The following ZNF653 variants were observed in gnomAD, a reference collection of about 807,000 sequenced individuals.
The protein encoded by ZNF653 is 67 kDa zinc finger protein.
A neutral mutation model predicts 59.9 loss-of-function variants in ZNF653; 37 were observed. The ratio of observed to expected loss-of-function variants is 0.62; its 90% CI spans 0.48 to 0.81. The LOEUF (loss-of-function observed/expected upper bound fraction) is 0.81, where lower values mean the gene tolerates loss of function less well. ZNF653 is among the 40% of genes least tolerant of loss of function. The pLI is 0.00. For synonymous variants in ZNF653, 435 were observed against 371.8 expected, an observed-to-expected ratio of 1.17 and a Z score of -1.96; for missense variants, 808 against 881.1, an observed-to-expected ratio of 0.92 and a Z score of 1.05.
At chr19:11,494,371 ACATAACATAAAACAT>A (rs1161060741) in intron 3 of ZNF653, among the ~76,000 whole-genome samples, 102 of 148,728 alleles carry the variant, frequency 6.9e-4, no homozygotes, top group African/African-American at 2.2e-3. Flanking sequence ...ACATAACATA[ACATAACATAAAACAT>A]AACATAACAT....
chr19:11,491,840 G>T (rs986103444), intron 3 of ZNF653, among the ~76,000 whole-genome samples: 1 of 152,072 alleles, frequency 6.6e-6, no homozygotes, highest in Non-Finnish European at 1.5e-5. Flanking sequence ...GCCTCCCAAA[G>T]TGCTGGGATT....
At chr19:11,502,959 G>A (rs1971662655) in intron 1 of ZNF653, among the ~76,000 whole-genome samples, 3 of 152,024 alleles carry the variant, frequency 2.0e-5, no homozygotes, top group Admixed American at 2.0e-4. Context: ...GCTTGAACGC[G>A]GGAGGCAGAG....
At chr19:11,504,579 T>C in intron 1 of ZNF653, 1 of 985,324 alleles carries the variant, frequency 1.0e-6, no homozygotes, top group Non-Finnish European at 1.2e-6. Flanking sequence ...GGGGTGGGTA[T>C]AACTTAGCAG....
Position 11,487,041 on chromosome 19 carries a change from A to C in ZNF653, c.1289T>G (p.Leu430Arg). 1 of 1,614,118 alleles carries C rather than the reference A, an allele frequency of 6.2e-7. No individual in the cohort carries two copies. The highest frequency in any genetic ancestry group is 8.5e-7 in the Non-Finnish European group (1 of 1,180,000). ...GATGGCTGACATGTCGCTGCCGTCC[A>C]GCTCCTCCCCGTCCGCCTCTGCCTC... ...EPEAEADGEE[L>R]DGSDMSAIIY... is the part of the protein sequence containing the mutation. The change falls in exon 5 of 9, where the codon CTG becomes CGG. Residue 430 changes from leucine (L) to arginine (R), a missense_variant. Physicochemically the swap from Leu to Arg is moderately radical, Grantham distance 102 (BLOSUM62 -2). Transcript: ENST00000293771. The surrounding 1 kb of genome is among the most constrained non-coding windows in gnomAD (Gnocchi z 5.1).
Position 11,505,651 on chromosome 19 carries a change from G to C in ZNF653, c.136C>G (p.Arg46Gly), listed in dbSNP as rs1367050399. Reference sequence around the variant, plus strand: ...TTCTTCCGGGACTCGAGCCGTCGCCGGGCCCGGTCCGACTCCGTGAGTCGC... The same window carrying C: ...TTCTTCCGGGACTCGAGCCGTCGCCCGGCCCGGTCCGACTCCGTGAGTCGC... ...RPRLTESDRA[R>G]RRLESRKKYD... The change falls in exon 1 of 9, where the codon CGG becomes GGG. Residue 46 changes from arginine (R) to glycine (G), a missense_variant. Physicochemically the swap from Arg to Gly is moderately radical, Grantham distance 125. Coordinates refer to ENST00000293771, the MANE Select transcript of ZNF653 (RefSeq NM_138783.4). 6.7e-7 allele frequency: 1 copy of C among 1,496,772 alleles called. No individual in the cohort carries two copies. Among genetic ancestry groups the C allele is most frequent in the Non-Finnish European group, 8.8e-7 (1 of 1,130,558 alleles). The allele number at this position is 1,496,772 out of a possible 1,614,324, so 92.7% of individuals were successfully genotyped here.
At chr19:11,502,643 C>G (rs1442294245) in intron 1 of ZNF653, among the ~76,000 whole-genome samples, 1 of 151,928 alleles carries the variant, frequency 6.6e-6, no homozygotes, top group East Asian at 1.9e-4. Context: ...CCAGCCTGGG[C>G]AATATAGCAA....
intron 1 of ZNF653, among the ~76,000 whole-genome samples, chr19:11,499,440 C>G (rs1020163903): frequency 6.6e-6 from 1 of 151,720 alleles, no homozygotes; most frequent in African/African-American, 2.4e-5. Flanking sequence ...ACTTGAGAGG[C>G]TGAGAGTGGT....
Position 11,496,092 on chromosome 19 carries a change from G to T in ZNF653, c.417C>A (p.Tyr139Ter). ...GGTCTAGCTCCGCCAGGTGCGGCTC[G>T]TACGGGCAGCGGTGCTTGTGGTCCT... Reference protein sequence around the residue: ...WYEDHKHRCPYEPHLAELDPT... With the variant: ...WYEDHKHRCP Residue 139 changes from tyrosine to a stop codon, truncating the protein, a stop_gained, in exon 3 of 9, where the codon TAC becomes TAA. Transcript: ENST00000293771. LOFTEE classifies it high-confidence loss of function. 6.2e-7 allele frequency: 1 copy of T among 1,613,932 alleles called. No homozygotes were observed. The highest frequency in any genetic ancestry group is 1.1e-5 in the South Asian group (1 of 91,078).
At position 11,487,194 on chromosome 19, in the gene ZNF653, C is replaced by T. The variant is rs371609674; in HGVS notation, c.1172-36G>A. 2.2e-5 allele frequency: 35 copies of T among 1,604,784 alleles called. No individual in the cohort carries two copies. Among genetic ancestry groups the T allele is most frequent in the Middle Eastern group, 1.7e-4 (1 of 6,052 alleles). On this transcript the variant is annotated intron_variant, in intron 4 of 8. Coordinates refer to ENST00000293771, the MANE Select transcript of ZNF653 (RefSeq NM_138783.4). The surrounding 1 kb of genome is among the most constrained non-coding windows in gnomAD (Gnocchi z 5.1). ...GACACAGGGTGGTGTCCGCAGGGGA[C>T]GAAGGCTGCCGAGGTGCCCACTTCG...
At chr19:11,498,360 G>A in intron 1 of ZNF653, 21 bp from the exon 2 acceptor site, 1 of 1,614,022 alleles carries the variant, frequency 6.2e-7, no homozygotes, top group South Asian at 1.1e-5. Context: ...AAGAGGCAGA[G>A]AGGGTGAACG....
At chr19:11,485,589 G>A in intron 7 of ZNF653, 67 bp downstream of exon 7, 1 of 1,357,130 alleles carries the variant, frequency 7.4e-7, no homozygotes, top group Non-Finnish European at 1.1e-6. Context: ...CGCCAGCTCT[G>A]GCCCAGGCTC....
At chr19:11,491,105 T>G (rs1053912839) in intron 3 of ZNF653, among the ~76,000 whole-genome samples, 3 of 152,238 alleles carry the variant, frequency 2.0e-5, no homozygotes, top group African/African-American at 7.2e-5. Flanking sequence ...CCAGGGCCAG[T>G]GCAGTCCCTT....
intron 3 of ZNF653, among the ~76,000 whole-genome samples, chr19:11,489,517 G>T (rs1432136686): frequency 1.3e-5 from 2 of 152,088 alleles, no homozygotes; most frequent in East Asian, 1.9e-4. Context: ...CCCAAGTAGA[G>T]ATCAGGTCTT....
chr19:11,487,771 A>T lies in ZNF653; in HGVS notation c.692T>A (p.Val231Glu). The T allele has an allele frequency of 6.2e-7, 1 of 1,612,754 alleles. No individual in the cohort carries two copies. Among genetic ancestry groups the T allele is most frequent in the Non-Finnish European group, 8.5e-7 (1 of 1,179,762 alleles). ...AAAAATPTSP[V>E]GSSGLITQEG... is the part of the protein sequence containing the mutation. ...CTGAGTGATGAGCCCGCTGCTGCCC[A>T]CCGGGCTGGTGGGCGTCGCTGCCGC... Residue 231 changes from valine (V) to glutamate (E), a missense_variant, in exon 4 of 9, where the codon GTG becomes GAG. By Grantham distance (121) the Val-to-Glu change is moderately radical (BLOSUM62 -2). Transcript: ENST00000293771. This position sits in a 1 kb window ranked among gnomAD's most constrained non-coding sequence, Gnocchi z 5.1.
Position 11,495,639 on chromosome 19 carries a change from TG to T in ZNF653, c.559+310del. 2.5e-6 allele frequency: 1 copy of T among 407,778 alleles called. No homozygotes were observed. The highest frequency in any genetic ancestry group is 2.3e-5 in the South Asian group (1 of 42,810). 25.3% of individuals were successfully genotyped at this position (407,778 alleles called of 1,614,324 possible). On this transcript the variant is annotated intron_variant, in intron 3 of 8. Transcript: ENST00000293771. The surrounding 1 kb of genome is among the most constrained non-coding windows in gnomAD (Gnocchi z 4.9). ...GGGCCGAGCCCTGCCCCAGCAGGCC[TG>T]CCCCCGCCCCAGCTGCCAAGCCAGG...
intron 3 of ZNF653, among the ~76,000 whole-genome samples, chr19:11,493,658 C>T (rs1420458318): frequency 6.6e-6 from 1 of 152,190 alleles, no homozygotes; most frequent in Non-Finnish European, 1.5e-5. Context: ...TCTGGGTCCA[C>T]CTGACTGCAG....
At chr19:11,496,261 G>T (rs1231899984) in intron 2 of ZNF653, 96 bp from the exon 3 acceptor site, 156 of 1,242,760 alleles carry the variant, frequency 1.3e-4, no homozygotes, top group Non-Finnish European at 1.0e-5. Context: ...GGTCCCATGG[G>T]TTTGGAGGCC....
chr19:11,492,095 G>A (rs1295355035), intron 3 of ZNF653, among the ~76,000 whole-genome samples: 1 of 152,014 alleles, frequency 6.6e-6, no homozygotes, highest in African/African-American at 2.4e-5. Context: ...TACCCAGGCT[G>A]GAGTGCAATG....
chr19:11,497,019 G>A (rs1182520148), intron 2 of ZNF653, among the ~76,000 whole-genome samples: 4 of 152,224 alleles, frequency 2.6e-5, no homozygotes, highest in African/African-American at 9.6e-5. Context: ...CTGCCTCAGG[G>A]CCTTGGCACA....
Sources: allele counts gnomAD v4.1 joint callset (sites outside exome capture counted in the v4.1 genomes callset), GRCh38; gene constraint gnomAD v4.1.1; non-coding constraint Gnocchi (gnomAD v3.1); transcripts MANE v1.5; gene names NCBI Gene and HGNC (gene_info 2026-07-23, HGNC 2026-07-21).